The following SCAMP1 variants were observed in gnomAD, a reference collection of about 807,000 sequenced individuals.
The protein encoded by SCAMP1 is secretory carrier membrane protein 1, also known as secretory carrier-associated membrane protein 1.
Under a neutral mutation model 41.8 loss-of-function variants are expected in SCAMP1, and 15 were observed. That is an observed-to-expected ratio of 0.36 (90% CI 0.24 to 0.55). The LOEUF (loss-of-function observed/expected upper bound fraction) is 0.55. SCAMP1 is among the 20% of genes least tolerant of loss of function. The pLI is 0.86. For missense variants in SCAMP1, 341 were observed against 412.6 expected, an observed-to-expected ratio of 0.83 and a Z score of 1.50; for synonymous variants, 135 against 136.8, an observed-to-expected ratio of 0.99 and a Z score of 0.09.
At chr5:78,378,369 C>T (rs138594864) in intron 1 of SCAMP1, among the ~76,000 whole-genome samples, 6 of 152,152 alleles carry the variant, frequency 3.9e-5, no homozygotes, top group Non-Finnish European at 8.8e-5. Context: ...CTCCTTATTT[C>T]CAGCAGGTGA....
Position 78,360,798 on chromosome 5 carries a change from C to T in SCAMP1, c.57+70C>T, listed in dbSNP as rs1324914428. ...GTTTGTGAAAACGGACGAGTTCCTT[C>T]GCGCCCACTGCGTCTGCCCCTCGGC... On this transcript the variant is annotated intron_variant, in intron 1 of 8. Coordinates refer to ENST00000621999, the MANE Select transcript of SCAMP1 (RefSeq NM_004866.6). The T allele has an allele frequency of 3.5e-6, 5 of 1,444,108 alleles. No individual in the cohort carries two copies. The East Asian group carries it at 1.2e-4, about 36-fold the overall frequency. The allele number at this position is 1,444,108 out of a possible 1,614,324, so 89.5% of individuals were successfully genotyped here.
intron 6 of SCAMP1, among the ~76,000 whole-genome samples, chr5:78,422,914 A>G (rs936694977): frequency 2.6e-5 from 4 of 152,182 alleles, no homozygotes; most frequent in Non-Finnish European, 5.9e-5. Flanking sequence ...TTTAAAGGAT[A>G]TATTAGGGAA....
At chr5:78,467,466 A>G (rs895497637) in intron 8 of SCAMP1, among the ~76,000 whole-genome samples, 3 of 152,314 alleles carry the variant, frequency 2.0e-5, no homozygotes, top group East Asian at 1.9e-4. Flanking sequence ...TTCAGGATCC[A>G]CCACACAAAG....
At chr5:78,420,426 A>G (rs1273404633) in intron 5 of SCAMP1, among the ~76,000 whole-genome samples, 2 of 152,182 alleles carry the variant, frequency 1.3e-5, no homozygotes, top group African/African-American at 2.4e-5. Flanking sequence ...CTATTTCACA[A>G]TCTTCAATTC....
intron 1 of SCAMP1, chr5:78,360,996 A>C (rs1750631583): frequency 2.3e-6 from 1 of 432,402 alleles, no homozygotes; most frequent in African/African-American, 2.1e-5. Flanking sequence ...TGCAGCCGGG[A>C]CTGGGCCCGC....
chr5:78,382,706 T>A (rs1416063274), intron 1 of SCAMP1, among the ~76,000 whole-genome samples: 1 of 152,096 alleles, frequency 6.6e-6, no homozygotes, highest in Non-Finnish European at 1.5e-5. Flanking sequence ...TAGAATAATA[T>A]CTCCAATTCC....
chr5:78,463,845 TA>T (rs1191712491), intron 8 of SCAMP1, among the ~76,000 whole-genome samples: 1 of 145,744 alleles, frequency 6.9e-6, no homozygotes, highest in Non-Finnish European at 1.5e-5. Flanking sequence ...AAATGCATAG[TA>T]TACAGATTTT....
At chr5:78,442,766 T>C (rs1752958020) in intron 6 of SCAMP1, among the ~76,000 whole-genome samples, 1 of 152,268 alleles carries the variant, frequency 6.6e-6, no homozygotes, top group African/African-American at 2.4e-5. Context: ...TTAGTTGTTA[T>C]ATTCTCCTAT....
At chr5:78,405,195 C>T (rs1751902357) in intron 2 of SCAMP1, among the ~76,000 whole-genome samples, 2 of 152,186 alleles carry the variant, frequency 1.3e-5, no homozygotes, top group African/African-American at 4.8e-5. Context: ...AAATTCTAAA[C>T]TCCTTATACA....
intron 2 of SCAMP1, among the ~76,000 whole-genome samples, chr5:78,408,352 C>T (rs1220839106): frequency 6.6e-6 from 1 of 152,126 alleles, no homozygotes; most frequent in African/African-American, 2.4e-5. Flanking sequence ...TCAGTTACCT[C>T]CCACCAGGCC....
chr5:78,398,802 C>T (rs1391886491), intron 2 of SCAMP1, among the ~76,000 whole-genome samples: 1 of 152,114 alleles, frequency 6.6e-6, no homozygotes, highest in Non-Finnish European at 1.5e-5. Flanking sequence ...GCCTCAACCT[C>T]CCAAAGTGTT....
chr5:78,442,765 A>G (rs894111139), intron 6 of SCAMP1, among the ~76,000 whole-genome samples: 5 of 152,198 alleles, frequency 3.3e-5, no homozygotes, highest in African/African-American at 1.2e-4. Flanking sequence ...TTTAGTTGTT[A>G]TATTCTCCTA....
intron 8 of SCAMP1, among the ~76,000 whole-genome samples, chr5:78,461,901 CT>C (rs1307798156): frequency 6.6e-6 from 1 of 152,134 alleles, no homozygotes; most frequent in Non-Finnish European, 1.5e-5. Flanking sequence ...TGGCTTTGTT[CT>C]TTTTGCTTAG....
In SCAMP1 at chr5:78,440,033, G is replaced by A. The variant is rs540549829; in HGVS notation, c.633-9900G>A. Among the ~76,000 whole-genome samples the A allele has an allele frequency of 3.5e-4, 53 of 152,166 alleles. 2 individuals are homozygous for A. In the South Asian group the frequency reaches 9.7e-3, roughly 28 times the overall value. Reference sequence around the variant, plus strand: ...CTTTTGCATGAATCACATAGTTCTCGTGCCGTGGTTTTCAGCTCCATCAGG... The same window carrying A: ...CTTTTGCATGAATCACATAGTTCTCATGCCGTGGTTTTCAGCTCCATCAGG... On this transcript the variant is annotated intron_variant, in intron 6 of 8. Coordinates refer to ENST00000621999, the MANE Select transcript of SCAMP1 (RefSeq NM_004866.6).
intron 7 of SCAMP1, among the ~76,000 whole-genome samples, chr5:78,451,736 C>T (rs1753236234): frequency 6.6e-6 from 1 of 152,218 alleles, no homozygotes; most frequent in South Asian, 2.1e-4. Context: ...CAGCTCACTG[C>T]CTCCACCTCC....
intron 2 of SCAMP1, among the ~76,000 whole-genome samples, chr5:78,398,707 C>T (rs1751722760): frequency 6.6e-6 from 1 of 151,686 alleles, no homozygotes; most frequent in Non-Finnish European, 1.5e-5. Context: ...CCACACCCGC[C>T]TACTTTTTTG....
At chr5:78,367,749 C>T (rs1468288500) in intron 1 of SCAMP1, among the ~76,000 whole-genome samples, 1 of 152,194 alleles carries the variant, frequency 6.6e-6, no homozygotes, top group Non-Finnish European at 1.5e-5. Context: ...TCACTAGACA[C>T]TCCCATTCAA....
At chr5:78,363,015 C>A (rs1038424795) in intron 1 of SCAMP1, among the ~76,000 whole-genome samples, 1 of 151,428 alleles carries the variant, frequency 6.6e-6, no homozygotes, top group Non-Finnish European at 1.5e-5. Context: ...GCCTCAACCT[C>A]CCTAGTAGCT....
At chr5:78,386,911 A>G (rs769622816) in intron 1 of SCAMP1, among the ~76,000 whole-genome samples, 7 of 152,164 alleles carry the variant, frequency 4.6e-5, no homozygotes, top group Non-Finnish European at 7.4e-5. Flanking sequence ...TTGACTTTAG[A>G]TAACCTGATG....
Sources: allele counts gnomAD v4.1 joint callset (sites outside exome capture counted in the v4.1 genomes callset), GRCh38; gene constraint gnomAD v4.1.1; transcripts MANE v1.5; gene names NCBI Gene and HGNC (gene_info 2026-07-23, HGNC 2026-07-21).